Variants in VPS13D observed in about 807,000 individuals in gnomAD.
VPS13D encodes the protein vacuolar protein sorting 13 homolog D.
VPS13D carries 187 observed loss-of-function variants against 461.9 expected under a neutral mutation model. The observed-to-expected ratio is 0.40, with a 90% CI of 0.36 to 0.46. VPS13D has a LOEUF of 0.46. Ranked by LOEUF, VPS13D falls within the 20% of genes least tolerant of loss-of-function variation. The pLI, the probability that VPS13D is intolerant of heterozygous loss-of-function variation, is 0.60. For synonymous variants in VPS13D, 1,951 were observed against 1,986.3 expected (o/e 0.98, Z 0.47); for missense variants, 4,711 against 5,364.9 (o/e 0.88, Z 3.81).
intron 21 of VPS13D, among the ~76,000 whole-genome samples, chr1:12,286,928 T>G (rs1011387632): frequency 1.3e-5 from 2 of 152,234 alleles, no homozygotes; most frequent in Non-Finnish European, 2.9e-5. Flanking sequence ...TGGTGCGATC[T>G]TGGCCCACTG....
Position 12,495,419 on chromosome 1 carries a change from A to C in VPS13D, c.12663-2081A>C, listed in dbSNP as rs1645944347. ...GTGATCCATCCGCCTCGGCCTCCCAAAGTGCTGGGATTACAGGCGTGAGCC... is the reference window on the plus strand; with the variant it reads ...GTGATCCATCCGCCTCGGCCTCCCACAGTGCTGGGATTACAGGCGTGAGCC... On this transcript the variant is annotated intron_variant, in intron 67 of 69. Transcript: ENST00000620676. The surrounding 1 kb of genome is among the most constrained non-coding windows in gnomAD (Gnocchi z 4.0). 6.6e-6 allele frequency among the ~76,000 whole-genome samples: 1 copy of C among 152,090 alleles called. No homozygotes were observed. The highest frequency in any genetic ancestry group is 2.4e-5 in the African/African-American group (1 of 41,412).
intron 63 of VPS13D, among the ~76,000 whole-genome samples, chr1:12,406,444 G>A (rs1282868567): frequency 6.6e-6 from 1 of 152,166 alleles, no homozygotes; most frequent in Non-Finnish European, 1.5e-5. Flanking sequence ...CTTTGGTATT[G>A]AAGGAATAAT....
At chr1:12,386,925 CAG>C (rs1009714313) in intron 60 of VPS13D, among the ~76,000 whole-genome samples, 5 of 152,180 alleles carry the variant, frequency 3.3e-5, no homozygotes, top group East Asian at 1.9e-4. Flanking sequence ...GTTGAGAAAA[CAG>C]AGCTGAGAGT....
In VPS13D at chr1:12,345,585, T is replaced by G. The variant is rs1446514798; in HGVS notation, c.9021+76T>G. ...ATGGTTAAGCCTGTAATAAGCTTAC[T>G]CTAATGAAACTTTCTTGTTCTTTCT... is the stretch of plus-strand genomic sequence containing the variant. On this transcript the variant is annotated intron_variant, in intron 43 of 69. Coordinates refer to ENST00000620676, the MANE Select transcript of VPS13D (RefSeq NM_015378.4). 7 of 1,516,916 alleles carry G rather than the reference T, an allele frequency of 4.6e-6. No homozygotes were observed. In the East Asian group the frequency reaches 1.4e-4, roughly 30 times the overall value. 94.0% of individuals were successfully genotyped at this position (1,516,916 alleles called of 1,614,324 possible).
intron 60 of VPS13D, among the ~76,000 whole-genome samples, chr1:12,398,153 G>T (rs1194598512): frequency 6.6e-6 from 1 of 152,106 alleles, no homozygotes; most frequent in Non-Finnish European, 1.5e-5. Flanking sequence ...ATGGAAGTAG[G>T]AAAAAATACT....
At chr1:12,487,426 T>C (rs757440444) in intron 67 of VPS13D, among the ~76,000 whole-genome samples, 57 of 151,994 alleles carry the variant, frequency 3.8e-4, no homozygotes, top group Non-Finnish European at 6.3e-4. Context: ...CTGGCCAATA[T>C]GGTGAAACCC....
At chr1:12,292,424 A>G (rs1258552722) in intron 23 of VPS13D, among the ~76,000 whole-genome samples, 2 of 146,294 alleles carry the variant, frequency 1.4e-5, no homozygotes, top group Non-Finnish European at 3.0e-5. Context: ...GTCTAGGGCC[A>G]TGCTCAGTCT....
intron 65 of VPS13D, among the ~76,000 whole-genome samples, chr1:12,451,664 C>A (rs996344671): frequency 1.3e-5 from 2 of 152,204 alleles, no homozygotes; most frequent in Non-Finnish European, 2.9e-5. Flanking sequence ...AGTTGCTAGT[C>A]GCTTTCCCAG....
chr1:12,292,262 C>CAAAAAAAAAAA (rs766212937), intron 23 of VPS13D, among the ~76,000 whole-genome samples: 3 of 12,248 alleles, frequency 2.4e-4, no homozygotes, highest in Non-Finnish European at 4.3e-4. Context: ...AACTCCATCT[C>CAAAAAAAAAAA]AAAAAAAAAA....
intron 25 of VPS13D, among the ~76,000 whole-genome samples, chr1:12,300,207 C>CT (rs35299447): frequency 0.83 from 102,728 of 123,316 alleles, 43,277 homozygotes; most frequent in East Asian, 0.98. Flanking sequence ...ATTTGCTTTG[C>CT]TTTTTTTTTT....
intron 12 of VPS13D, among the ~76,000 whole-genome samples, chr1:12,261,612 G>A (rs1044158499): frequency 3.9e-5 from 6 of 152,212 alleles, no homozygotes; most frequent in Non-Finnish European, 8.8e-5. Flanking sequence ...ACTGGATATC[G>A]CAGATGCGGA....
intron 29 of VPS13D, among the ~76,000 whole-genome samples, chr1:12,312,472 TA>T (rs1246753550): frequency 4.6e-5 from 7 of 152,124 alleles, no homozygotes; most frequent in African/African-American, 1.7e-4. Context: ...TTTTCAAAGT[TA>T]GGGGCTAGGC....
rs1344305697 is a variant in VPS13D, at chr1:12,403,961, A to G, written c.12018A>G (p.Pro4006=). 8.8e-6 allele frequency: 14 copies of G among 1,596,372 alleles called. No homozygotes were observed. The highest frequency in any genetic ancestry group is 1.1e-5 in the Non-Finnish European group (13 of 1,175,444). ...GTGTGTTCACCTCCAACAAGCTCCC[A>G]TTGGATCTTAAGGTGAGCTGCTATT... ...KLSVFTSNKL[P]LDLKALKSTL... The change falls in exon 63 of 70, where the codon CCA becomes CCG. Residue 4006 remains proline, a synonymous_variant. Coordinates refer to ENST00000620676, the MANE Select transcript of VPS13D (RefSeq NM_015378.4).
intron 43 of VPS13D, 79 bp downstream of exon 43, chr1:12,345,588 A>G (rs1643658174): frequency 6.0e-6 from 9 of 1,509,132 alleles, no homozygotes; most frequent in Non-Finnish European, 8.1e-6. Context: ...AGCTTACTCT[A>G]ATGAAACTTT....
At chr1:12,483,044 A>T (rs1645745778) in intron 67 of VPS13D, among the ~76,000 whole-genome samples, 1 of 152,132 alleles carries the variant, frequency 6.6e-6, no homozygotes, top group South Asian at 2.1e-4. Flanking sequence ...TTCTCTCCTT[A>T]GGCTAAAGTC....
At chr1:12,230,617 AGCCACCTC>A (rs970446937) in intron 1 of VPS13D, among the ~76,000 whole-genome samples, 3 of 152,024 alleles carry the variant, frequency 2.0e-5, no homozygotes, top group African/African-American at 7.2e-5. Context: ...AGAATGCCTT[AGCCACCTC>A]CCTTAATCAG....
rs779228981 is a variant in VPS13D, at chr1:12,261,005, G to T, written c.1270G>T (p.Gly424Cys). Reference sequence around the variant, plus strand: ...AGCCTGTCCGGGAGCCCCAGAACCCGGTGGAGGCAGTGGGATGCTGCAGTA... The same window carrying T: ...AGCCTGTCCGGGAGCCCCAGAACCCTGTGGAGGCAGTGGGATGCTGCAGTA... Reference protein sequence around the residue: ...PGACPGAPEPGGGSGMLQYLQ... With the variant: ...PGACPGAPEPCGGSGMLQYLQ... Residue 424 changes from glycine (G) to cysteine (C), a missense_variant, in exon 12 of 70, where the codon GGT becomes TGT. Physicochemically the swap from Gly to Cys is radical, Grantham distance 159 (BLOSUM62 -3). Around this residue, in one of 3 missense-constraint regions of VPS13D, gnomAD observed 4,411 missense variants for 4,937.8 expected, o/e 0.89. Coordinates refer to ENST00000620676, the MANE Select transcript of VPS13D (RefSeq NM_015378.4). 1.9e-6 allele frequency: 3 copies of T among 1,613,912 alleles called. No individual in the cohort carries two copies. Among genetic ancestry groups the T allele is most frequent in the Non-Finnish European group, 2.5e-6 (3 of 1,180,014 alleles).
At chr1:12,273,664 TTG>T (rs1306583347) in intron 18 of VPS13D, among the ~76,000 whole-genome samples, 1 of 152,264 alleles carries the variant, frequency 6.6e-6, no homozygotes, top group Non-Finnish European at 1.5e-5. Flanking sequence ...GTGGCCTTTT[TTG>T]TCTGGCTTTT....
intron 60 of VPS13D, among the ~76,000 whole-genome samples, chr1:12,396,702 G>A (rs1644503704): frequency 6.6e-6 from 1 of 152,070 alleles, no homozygotes; most frequent in South Asian, 2.1e-4. Context: ...CCAGATTGTC[G>A]AGGCCAGAAC....
Sources: allele counts gnomAD v4.1 joint callset (sites outside exome capture counted in the v4.1 genomes callset), GRCh38; gene constraint gnomAD v4.1.1; regional missense constraint gnomAD v4.1.1; non-coding constraint Gnocchi (gnomAD v3.1); transcripts MANE v1.5; gene names NCBI Gene and HGNC (gene_info 2026-07-23, HGNC 2026-07-21).